NLGN1: variants seen among roughly 807,000 people sequenced by gnomAD.
NLGN1 encodes neuroligin-1.
Under a neutral mutation model 65.5 loss-of-function variants are expected in NLGN1, and 12 were observed. The ratio of observed to expected loss-of-function variants is 0.18; its 90% CI spans 0.12 to 0.30. NLGN1 has a LOEUF of 0.30. Among genes scored for constraint, NLGN1 ranks in the 10% least tolerant of loss-of-function variants. The pLI, the probability that NLGN1 is intolerant of heterozygous loss-of-function variation, is 1.00. For synonymous variants in NLGN1, 350 were observed against 359.5 expected (o/e 0.97, Z 0.30); for missense variants, 750 against 1,007.1 (o/e 0.74, Z 3.46).
chr3:173,665,498 C>T (rs924811652), intron 3 of NLGN1, among the ~76,000 whole-genome samples: 1 of 152,172 alleles, frequency 6.6e-6, no homozygotes, highest in East Asian at 1.9e-4. Context: ...AACTGTCGAG[C>T]CATTTAGACA....
At chr3:173,425,274 A>G (rs1046556813) in intron 1 of NLGN1, among the ~76,000 whole-genome samples, 3 of 152,288 alleles carry the variant, frequency 2.0e-5, no homozygotes, top group South Asian at 2.1e-4. Flanking sequence ...GGGTGGAGAC[A>G]CAGAGCCAAA....
At chr3:173,892,965 TTA>T (rs2152134928) in intron 4 of NLGN1, among the ~76,000 whole-genome samples, 1 of 152,290 alleles carries the variant, frequency 6.6e-6, no homozygotes, top group African/African-American at 2.4e-5. Flanking sequence ...TTAATCTGTA[TTA>T]TAACTATGCA....
At chr3:174,042,736 G>T (rs998489757) in intron 4 of NLGN1, among the ~76,000 whole-genome samples, 1 of 152,072 alleles carries the variant, frequency 6.6e-6, no homozygotes, top group African/African-American at 2.4e-5. Context: ...ACATTTTTAT[G>T]ATGTCCACTT....
chr3:173,503,217 T>G (rs979808547), intron 2 of NLGN1, among the ~76,000 whole-genome samples: 2 of 152,072 alleles, frequency 1.3e-5, no homozygotes, highest in African/African-American at 2.4e-5. Flanking sequence ...AGAATCTTAG[T>G]TAACATCTAC....
chr3:173,498,041 C>G (rs994504487), intron 2 of NLGN1, among the ~76,000 whole-genome samples: 1 of 151,422 alleles, frequency 6.6e-6, no homozygotes, highest in Non-Finnish European at 1.5e-5. Flanking sequence ...TTCTCTAAAC[C>G]CTGAGTAGGT....
At chr3:174,040,076 T>C (rs1731953256) in intron 4 of NLGN1, among the ~76,000 whole-genome samples, 2 of 152,152 alleles carry the variant, frequency 1.3e-5, no homozygotes, top group South Asian at 4.1e-4. Context: ...TCTTTGACTT[T>C]CCATAGCATT....
intron 2 of NLGN1, among the ~76,000 whole-genome samples, chr3:173,539,682 A>ATG (rs796269835): frequency 1.1e-5 from 1 of 93,026 alleles, no homozygotes; most frequent in African/African-American, 4.8e-5. Context: ...TATATAACAT[A>ATG]CATATATGTA....
chr3:173,524,680 T>A (rs779805772), intron 2 of NLGN1, among the ~76,000 whole-genome samples: 5 of 152,202 alleles, frequency 3.3e-5, no homozygotes, highest in Non-Finnish European at 7.4e-5. Flanking sequence ...TGCCCATTCA[T>A]TATGATGTTG....
At chr3:174,036,739 T>A (rs1214258787) in intron 4 of NLGN1, among the ~76,000 whole-genome samples, 19 of 152,010 alleles carry the variant, frequency 1.2e-4, no homozygotes, top group Admixed American at 1.1e-3. Flanking sequence ...TTTTTTCAGA[T>A]CCTCTCCCTC....
In NLGN1 at chr3:173,539,740, A is replaced by AGG. The variant is rs1560407054; in HGVS notation, c.-320-64539_-320-64538insGG. ...TGTACATATGCACATATATACATAT[A>AGG]TGTACATATATAACATATACATGTA... On this transcript the variant is annotated intron_variant, in intron 2 of 6. Transcript: ENST00000457714. Among the ~76,000 whole-genome samples the AGG allele has an allele frequency of 1.9e-4, 26 of 135,938 alleles. 1 individual carries two copies. Among genetic ancestry groups the AGG allele is most frequent in the East Asian group, 4.0e-4 (2 of 4,974 alleles). The allele number at this position is 135,938 out of a possible 152,430, so 89.2% of individuals were successfully genotyped here. A position where few individuals can be genotyped will look rare whatever the true frequency, so the allele number is the denominator to read the frequency against.
chr3:173,908,489 GTTGT>G (rs138141734), intron 4 of NLGN1, among the ~76,000 whole-genome samples: 2,076 of 152,302 alleles, frequency 0.014, 52 homozygotes, highest in African/African-American at 0.047. Flanking sequence ...GAAGCTCAGA[GTTGT>G]TTATTATATT....
chr3:174,194,688 G>A (rs1733046185), intron 4 of NLGN1, among the ~76,000 whole-genome samples: 1 of 150,132 alleles, frequency 6.7e-6, no homozygotes, highest in Non-Finnish European at 1.5e-5. Context: ...ACATTTGTGT[G>A]TGTGTGTATA....
chr3:173,429,063 A>G (rs1431108325), intron 1 of NLGN1, among the ~76,000 whole-genome samples: 1 of 151,994 alleles, frequency 6.6e-6, no homozygotes, highest in Non-Finnish European at 1.5e-5. Context: ...ATTTTCTCTT[A>G]CTATTTTTTA....
chr3:174,138,086 G>T (rs1345971049), intron 4 of NLGN1, among the ~76,000 whole-genome samples: 1 of 152,106 alleles, frequency 6.6e-6, no homozygotes, highest in Non-Finnish European at 1.5e-5. Flanking sequence ...ACATTTGGAG[G>T]CTTCAAGTCC....
chr3:173,991,364 C>A (rs1430991321), intron 4 of NLGN1, among the ~76,000 whole-genome samples: 2 of 152,072 alleles, frequency 1.3e-5, no homozygotes, highest in East Asian at 3.9e-4. Flanking sequence ...TAGTATTCCT[C>A]ACTTAATATG....
intron 4 of NLGN1, among the ~76,000 whole-genome samples, chr3:173,985,434 G>A (rs954371428): frequency 1.3e-5 from 2 of 152,076 alleles, no homozygotes; most frequent in Admixed American, 1.3e-4. Flanking sequence ...TTTTATCTTG[G>A]TAGCAGGAAC....
intron 2 of NLGN1, among the ~76,000 whole-genome samples, chr3:173,553,130 G>T (rs990144928): frequency 3.9e-5 from 6 of 152,136 alleles, no homozygotes; most frequent in Non-Finnish European, 7.4e-5. Flanking sequence ...CCTCCAAATT[G>T]TAAATACTTG....
At chr3:173,436,941 A>G (rs977830434) in intron 2 of NLGN1, among the ~76,000 whole-genome samples, 1 of 152,150 alleles carries the variant, frequency 6.6e-6, no homozygotes, top group Non-Finnish European at 1.5e-5. Context: ...ACCTCTTTCT[A>G]TTGTCATTCC....
intron 2 of NLGN1, among the ~76,000 whole-genome samples, chr3:173,486,347 C>T (rs936770936): frequency 1.3e-5 from 2 of 152,148 alleles, no homozygotes; most frequent in East Asian, 3.8e-4. Context: ...CAGGATTGAG[C>T]CACTGCACCC....
Sources: allele counts gnomAD v4.1 joint callset (sites outside exome capture counted in the v4.1 genomes callset), GRCh38; gene constraint gnomAD v4.1.1; transcripts MANE v1.5; gene names NCBI Gene and HGNC (gene_info 2026-07-23, HGNC 2026-07-21).